The following BICRAL variants were observed in gnomAD, a reference collection of about 807,000 sequenced individuals.
BICRAL encodes BICRA like chromatin remodeling complex associated protein, also known as BRD4-interacting chromatin-remodeling complex-associated protein-like.
A neutral mutation model predicts 91.8 loss-of-function variants in BICRAL; 8 were observed. The ratio of observed to expected loss-of-function variants is 0.09; its 90% CI spans 0.05 to 0.16. The LOEUF (loss-of-function observed/expected upper bound fraction) is 0.16. BICRAL is among the 10% of genes least tolerant of loss of function. The pLI is 1.00. For missense variants in BICRAL, 1,038 were observed against 1,310.9 expected (o/e 0.79, Z 3.21); for synonymous variants, 445 against 491.1 (o/e 0.91, Z 1.24).
intron 1 of BICRAL, among the ~76,000 whole-genome samples, chr6:42,754,997 A>C (rs1762438617): frequency 6.6e-6 from 1 of 152,242 alleles, no homozygotes; most frequent in Admixed American, 6.5e-5. Flanking sequence ...AGGGGAGTAC[A>C]GGTGCAGGAA....
intron 1 of BICRAL, among the ~76,000 whole-genome samples, chr6:42,747,805 G>GTTTTTTTT (rs56209754): frequency 2.4e-5 from 3 of 125,310 alleles, no homozygotes; most frequent in African/African-American, 5.9e-5. Flanking sequence ...GTTTTATTTT[G>GTTTTTTTT]TTTTTTTTTT....
intron 6 of BICRAL, among the ~76,000 whole-genome samples, chr6:42,834,670 A>G (rs1764590785): frequency 6.6e-6 from 1 of 152,166 alleles, no homozygotes; most frequent in Non-Finnish European, 1.5e-5. Flanking sequence ...TAAAATAATT[A>G]TACAATAATT....
Position 42,855,979 on chromosome 6 carries a change from A to G in BICRAL, c.2108+62A>G, listed in dbSNP as rs989961848. On this transcript the variant is annotated intron_variant, in intron 9 of 12. Transcript: ENST00000314073. ...CACTTCTTTGGGTCCCTAGCCTTCA[A>G]TAAATATACCACAGAAAACAGGTTA... 16 of 1,261,514 alleles carry G rather than the reference A, an allele frequency of 1.3e-5. No individual in the cohort carries two copies. The Middle Eastern group carries it at 5.6e-4, about 44-fold the overall frequency. 78.1% of individuals were successfully genotyped at this position (1,261,514 alleles called of 1,614,324 possible).
chr6:42,756,294 C>T (rs1010594228), intron 1 of BICRAL, among the ~76,000 whole-genome samples: 1 of 152,126 alleles, frequency 6.6e-6, no homozygotes, highest in Admixed American at 6.6e-5. Flanking sequence ...TTTGATTACC[C>T]CTTCTTCTCA....
intron 1 of BICRAL, among the ~76,000 whole-genome samples, chr6:42,789,572 G>A (rs1036054404): frequency 5.9e-5 from 9 of 151,396 alleles, no homozygotes; most frequent in African/African-American, 2.2e-4. Flanking sequence ...AACCTGGAAG[G>A]CAGACATTGG....
chr6:42,815,627 T>C (rs963340026), intron 2 of BICRAL, among the ~76,000 whole-genome samples: 2 of 152,194 alleles, frequency 1.3e-5, no homozygotes, highest in Admixed American at 1.3e-4. Flanking sequence ...TACACTGTTA[T>C]ATCTCTGCCT....
intron 2 of BICRAL, among the ~76,000 whole-genome samples, chr6:42,813,126 G>A (rs914608190): frequency 2.6e-5 from 4 of 152,174 alleles, no homozygotes; most frequent in Non-Finnish European, 5.9e-5. Context: ...GTCTAATGAT[G>A]TAATTGTAGT....
intron 6 of BICRAL, 65 bp from the exon 7 acceptor site, chr6:42,852,027 T>G: frequency 9.9e-7 from 1 of 1,005,754 alleles, no homozygotes; most frequent in Non-Finnish European, 1.5e-6. Context: ...TTGGTTGGTA[T>G]TTAAAATAAT....
At chr6:42,810,822 TA>T (rs2113916652) in intron 2 of BICRAL, among the ~76,000 whole-genome samples, 1 of 152,336 alleles carries the variant, frequency 6.6e-6, no homozygotes, top group South Asian at 2.1e-4. Context: ...TGAATAGCTT[TA>T]TTAGAGACAG....
intron 7 of BICRAL, 72 bp from the exon 8 acceptor site, chr6:42,853,566 G>A: frequency 9.4e-7 from 1 of 1,062,460 alleles, no homozygotes; most frequent in Non-Finnish European, 1.5e-6. Flanking sequence ...GTACCCATTG[G>A]GTTCTAGGGT....
At chr6:42,814,166 A>G (rs779148047) in intron 2 of BICRAL, among the ~76,000 whole-genome samples, 2 of 148,858 alleles carry the variant, frequency 1.3e-5, no homozygotes, top group Non-Finnish European at 3.0e-5. Context: ...CTCATGTTAT[A>G]GCAACTTACT....
At chr6:42,809,430 A>AT (rs989054840) in intron 1 of BICRAL, among the ~76,000 whole-genome samples, 14,825 of 111,842 alleles carry the variant, frequency 0.13, 1,170 homozygotes, top group Non-Finnish European at 0.17. Flanking sequence ...AACTATGAGA[A>AT]TTTTTTTTTT....
chr6:42,835,144 T>A (rs1666009661), intron 6 of BICRAL, among the ~76,000 whole-genome samples: 1 of 152,006 alleles, frequency 6.6e-6, no homozygotes, highest in African/African-American at 2.4e-5. Context: ...TTCTTTTTTT[T>A]TTGAGTCAGA....
rs574034798 is a variant in BICRAL, at chr6:42,862,103, A to G, written c.2350-407A>G. 1.1e-3 allele frequency among the ~76,000 whole-genome samples: 165 copies of G among 152,020 alleles called. 1 individual carries two copies. The highest frequency in any genetic ancestry group is 3.8e-3 in the African/African-American group (157 of 41,490). ...TGTAATCCCAGCACTTGAGGAGGCCAAGGCGGATGGATCACCTGAGGTCAA... is the reference window on the plus strand; with the variant it reads ...TGTAATCCCAGCACTTGAGGAGGCCGAGGCGGATGGATCACCTGAGGTCAA... On this transcript the variant is annotated intron_variant, in intron 11 of 12. Transcript: ENST00000314073.
In BICRAL at chr6:42,830,018, C is replaced by T; in HGVS notation, c.1685C>T (p.Ser562Leu). The T allele has an allele frequency of 6.2e-7, 1 of 1,614,196 alleles. No individual in the cohort carries two copies. The highest frequency in any genetic ancestry group is 8.5e-7 in the Non-Finnish European group (1 of 1,180,038). ...GGGTCTGCAGTTCAGTCTGGTTCAT[C>T]AGGATCAAACTTTACAGGAGATCAG... ...SLGSAVQSGS[S>L]GSNFTGDQLT... Residue 562 changes from serine (S) to leucine (L), a missense_variant, in exon 6 of 13, where the codon TCA (serine) becomes TTA (leucine). Physicochemically the swap from Ser to Leu is moderately radical, Grantham distance 145. Coordinates refer to ENST00000314073, the MANE Select transcript of BICRAL (RefSeq NM_001393499.1).
chr6:42,833,143 CCT>C (rs1398158060), intron 6 of BICRAL, among the ~76,000 whole-genome samples: 2 of 151,788 alleles, frequency 1.3e-5, no homozygotes, highest in South Asian at 4.2e-4. Context: ...GCAAGCTCCG[CCT>C]CCCGGGTTCA....
intron 1 of BICRAL, among the ~76,000 whole-genome samples, chr6:42,747,569 G>A (rs1016383966): frequency 6.6e-6 from 1 of 152,064 alleles, no homozygotes; most frequent in Admixed American, 6.5e-5. Flanking sequence ...TAAATTGCTG[G>A]GCCAGAGTAT....
intron 1 of BICRAL, among the ~76,000 whole-genome samples, chr6:42,760,458 A>G (rs1327320097): frequency 6.6e-6 from 1 of 152,130 alleles, no homozygotes; most frequent in Non-Finnish European, 1.5e-5. Flanking sequence ...TGATCAGGAA[A>G]GAGTCCTAGT....
chr6:42,806,533 G>T (rs1429027174), intron 1 of BICRAL, among the ~76,000 whole-genome samples: 1 of 147,184 alleles, frequency 6.8e-6, no homozygotes, highest in East Asian at 2.0e-4. Context: ...TTTTTTTTGA[G>T]ACGGGGTCTT....
Sources: allele counts gnomAD v4.1 joint callset (sites outside exome capture counted in the v4.1 genomes callset), GRCh38; gene constraint gnomAD v4.1.1; transcripts MANE v1.5; gene names NCBI Gene and HGNC (gene_info 2026-07-23, HGNC 2026-07-21).